Variants in WDR7 observed in about 807,000 individuals in gnomAD.
WDR7 encodes the protein WD repeat-containing protein 7.
In WDR7, 46 loss-of-function variants were observed where a neutral mutation model predicts 169.4. That is an observed-to-expected ratio of 0.27 (90% CI 0.21 to 0.35). The LOEUF (loss-of-function observed/expected upper bound fraction) is 0.35. Ranked by LOEUF, WDR7 falls within the 10% of genes least tolerant of loss-of-function variation. The pLI is 1.00. For synonymous variants in WDR7, 612 were observed against 666.8 expected, an observed-to-expected ratio of 0.92 and a Z score of 1.27; for missense variants, 1,534 against 1,859.3, an observed-to-expected ratio of 0.83 and a Z score of 3.22.
At chr18:56,679,309 C>G (rs1466909135) in intron 2 of WDR7, 23 bp from the exon 3 acceptor site, 2 of 1,585,212 alleles carry the variant, frequency 1.3e-6, no homozygotes, top group Non-Finnish European at 1.7e-6. Flanking sequence ...GGTACTTAAA[C>G]TAGCATATTT....
intron 16 of WDR7, among the ~76,000 whole-genome samples, chr18:56,766,429 C>T (rs1214197448): frequency 2.0e-5 from 3 of 152,098 alleles, no homozygotes; most frequent in South Asian, 2.1e-4. Flanking sequence ...TCTTTTATTT[C>T]GGGATTATTT....
chr18:56,970,143 G>A (rs1013965890), intron 26 of WDR7, among the ~76,000 whole-genome samples: 1 of 151,818 alleles, frequency 6.6e-6, no homozygotes, highest in Non-Finnish European at 1.5e-5. Flanking sequence ...GATTAAATCA[G>A]CTCACCCTAT....
chr18:56,961,614 G>T (rs748938038), intron 25 of WDR7, among the ~76,000 whole-genome samples: 2 of 152,064 alleles, frequency 1.3e-5, no homozygotes, highest in Non-Finnish European at 2.9e-5. Context: ...CCATGTAGAC[G>T]TGAAATCAGT....
intron 11 of WDR7, among the ~76,000 whole-genome samples, chr18:56,695,555 C>G (rs79647187): frequency 6.8e-6 from 1 of 146,394 alleles, no homozygotes; most frequent in Non-Finnish European, 1.5e-5. Flanking sequence ...TTTTTTTTTC[C>G]GAGAAAGAGT....
At chr18:56,822,439 A>C (rs2045115324) in intron 20 of WDR7, among the ~76,000 whole-genome samples, 1 of 152,212 alleles carries the variant, frequency 6.6e-6, no homozygotes, top group Non-Finnish European at 1.5e-5. Context: ...GGTCCTATTC[A>C]TAAGATGTTT....
intron 19 of WDR7, among the ~76,000 whole-genome samples, chr18:56,796,376 T>C (rs1414173510): frequency 2.0e-5 from 3 of 152,228 alleles, no homozygotes; most frequent in Non-Finnish European, 4.4e-5. Context: ...CTAGTTAATA[T>C]TCATTTGAAA....
chr18:57,006,847 T>A (rs1200012412), intron 26 of WDR7, among the ~76,000 whole-genome samples: 1 of 152,216 alleles, frequency 6.6e-6, no homozygotes, highest in African/African-American at 2.4e-5. Flanking sequence ...TGGTTAATTT[T>A]TTTGTGTGTT....
chr18:56,757,748 G>A (rs1025113170), intron 15 of WDR7, among the ~76,000 whole-genome samples: 2 of 152,096 alleles, frequency 1.3e-5, no homozygotes, highest in Non-Finnish European at 2.9e-5. Flanking sequence ...GAGGCAGGAG[G>A]ATCACTTGAA....
intron 19 of WDR7, among the ~76,000 whole-genome samples, chr18:56,785,934 G>A (rs2044392913): frequency 1.3e-5 from 2 of 151,560 alleles, no homozygotes; most frequent in African/African-American, 4.8e-5. Flanking sequence ...CTGAGTAGCT[G>A]GAACTAAAGG....
At chr18:56,687,281 A>C (rs890810753) in intron 7 of WDR7, among the ~76,000 whole-genome samples, 19 of 152,294 alleles carry the variant, frequency 1.2e-4, no homozygotes, top group Admixed American at 1.1e-3. Flanking sequence ...AGTTTTCTAC[A>C]GTTTGGACAT....
intron 25 of WDR7, among the ~76,000 whole-genome samples, chr18:56,940,934 A>ATTATGTGGTCAGTGAAGAGTCAGGG (rs2047028447): frequency 6.6e-6 from 1 of 152,132 alleles, no homozygotes; most frequent in Admixed American, 6.5e-5. Flanking sequence ...TTTGTTTCCT[A>ATTATGTGGTCAGTGAAGAGTCAGGG]TTATGTGGTC....
the WDR7 span, chr18:57,036,325 A>C: frequency 1.3e-5 from 2 of 152,438 alleles, no homozygotes; most frequent in Admixed American, 1.3e-4. Context: ...CTGCTACAGG[A>C]ATTGCTTGAG....
intron 16 of WDR7, among the ~76,000 whole-genome samples, chr18:56,771,472 A>T (rs2044155626): frequency 6.6e-6 from 1 of 151,994 alleles, no homozygotes; most frequent in South Asian, 2.1e-4. Context: ...CTTTAGTCCC[A>T]GGAATTTGGG....
chr18:56,719,573 A>C (rs888009846), intron 13 of WDR7, among the ~76,000 whole-genome samples: 9 of 151,620 alleles, frequency 5.9e-5, no homozygotes, highest in Non-Finnish European at 7.4e-5. Context: ...AAAAAAAAAA[A>C]AAAAAACAGA....
At chr18:57,010,071 A>AG (rs1233475441) in intron 26 of WDR7, 11 of 985,400 alleles carry the variant, frequency 1.1e-5, no homozygotes, top group African/African-American at 1.7e-5. Flanking sequence ...ATGTCTAGAA[A>AG]GGGTGGAGAT....
chr18:56,691,920 A>G, intron 9 of WDR7, 103 bp downstream of exon 9: 1 of 824,096 alleles, frequency 1.2e-6, no homozygotes, highest in Non-Finnish European at 1.8e-6. Flanking sequence ...GATACAATTC[A>G]AAGCACTGTG....
intron 23 of WDR7, 139 bp downstream of exon 23, chr18:56,936,044 A>AACACATGTGTCTGTGTGCATGT: frequency 1.3e-6 from 1 of 751,018 alleles, no homozygotes; most frequent in Non-Finnish European, 2.1e-6. Flanking sequence ...TACTGAAATG[A>AACACATGTGTCTGTGTGCATGT]ACACATGTGT....
intron 19 of WDR7, among the ~76,000 whole-genome samples, chr18:56,811,297 G>A (rs2044864652): frequency 6.6e-6 from 1 of 152,012 alleles, no homozygotes; most frequent in South Asian, 2.1e-4. Flanking sequence ...AAAATTGCTG[G>A]GTCACATGGT....
At chr18:57,030,303 C>T (rs1301700287), downstream of WDR7, 2 of 152,156 alleles carry the variant, frequency 1.3e-5, no homozygotes, top group African/African-American at 4.8e-5. Context: ...TTAATTATTT[C>T]AGATAAGAAC....
Sources: gnomAD v4.1 joint callset for allele counts (sites outside exome capture counted in the v4.1 genomes callset) on GRCh38, gnomAD v4.1.1 for gene constraint, MANE v1.5 for transcripts, NCBI Gene and HGNC (gene_info 2026-07-23, HGNC 2026-07-21) for gene names.